Variants in CLNK observed in about 807,000 individuals in gnomAD.
CLNK encodes cytokine dependent hematopoietic cell linker, also known as cytokine-dependent hematopoietic cell linker.
CLNK carries 74 observed loss-of-function variants against 68.6 expected under a neutral mutation model. That is an observed-to-expected ratio of 1.08 (90% CI 0.89 to 1.31). The LOEUF is 1.31. CLNK is among the 50% of genes most tolerant of loss of function. The pLI is 0.00. For missense variants in CLNK, 553 were observed against 515.3 expected, an observed-to-expected ratio of 1.07 and a Z score of -0.71; for synonymous variants, 198 against 172.2, an observed-to-expected ratio of 1.15 and a Z score of -1.17.
chr4:10,666,661 G>A (rs1450060290), intron 2 of CLNK, among the ~76,000 whole-genome samples: 1 of 152,252 alleles, frequency 6.6e-6, no homozygotes, highest in Non-Finnish European at 1.5e-5. Context: ...CTGCTGTAAG[G>A]ATCGGGGAGG....
intron 1 of CLNK, among the ~76,000 whole-genome samples, chr4:10,672,522 C>G (rs944720789): frequency 6.6e-6 from 1 of 152,026 alleles, no homozygotes; most frequent in Non-Finnish European, 1.5e-5. Context: ...TAATTAAATG[C>G]CTTATATCAC....
intron 16 of CLNK, among the ~76,000 whole-genome samples, chr4:10,513,086 T>A (rs1322982229): frequency 6.6e-6 from 1 of 152,202 alleles, no homozygotes; most frequent in Non-Finnish European, 1.5e-5. Flanking sequence ...AATGAGTGTG[T>A]AATACATGGA....
chr4:10,700,407 C>T, the CLNK span, among the ~76,000 whole-genome samples: 1 of 152,116 alleles, frequency 6.6e-6, no homozygotes, highest in Admixed American at 6.6e-5. Flanking sequence ...GCTGACTTTA[C>T]AGAGATGTTG....
At chr4:10,650,267 G>C (rs11723092) in intron 2 of CLNK, among the ~76,000 whole-genome samples, 20 of 151,792 alleles carry the variant, frequency 1.3e-4, no homozygotes, top group Non-Finnish European at 2.2e-4. Flanking sequence ...AGGCTAAAAC[G>C]TGACGGTCTA....
At chr4:10,615,711 G>A (rs958565796) in intron 2 of CLNK, among the ~76,000 whole-genome samples, 3 of 152,174 alleles carry the variant, frequency 2.0e-5, no homozygotes, top group Non-Finnish European at 4.4e-5. Flanking sequence ...TACTTTACCT[G>A]TCTTTACAGT....
chr4:10,514,642 A>C (rs1335277853), intron 15 of CLNK, among the ~76,000 whole-genome samples: 2 of 151,342 alleles, frequency 1.3e-5, no homozygotes, highest in Non-Finnish European at 2.9e-5. Context: ...AAAAACCATA[A>C]AAACCCTAGA....
chr4:10,511,292 A>T (rs1464829330), intron 16 of CLNK, among the ~76,000 whole-genome samples: 1 of 152,208 alleles, frequency 6.6e-6, no homozygotes, highest in Non-Finnish European at 1.5e-5. Context: ...GTCACGGGCC[A>T]TGGTCACTCA....
At position 10,614,031 on chromosome 4, in the gene CLNK, C is replaced by A. The variant is rs553298670; in HGVS notation, c.12-15982G>T. ...CCATACCAACTGGAGATTGAGAGAGCAACATCGGACTCATAGTGTGCCTGC... is the reference window on the plus strand; with the variant it reads ...CCATACCAACTGGAGATTGAGAGAGAAACATCGGACTCATAGTGTGCCTGC... On this transcript the variant is annotated intron_variant, in intron 2 of 18. Transcript: ENST00000226951. 3.3e-5 allele frequency among the ~76,000 whole-genome samples: 5 copies of A among 152,338 alleles called. No individual in the cohort carries two copies. In the South Asian group the frequency reaches 8.3e-4, roughly 25 times the overall value.
intron 2 of CLNK, among the ~76,000 whole-genome samples, chr4:10,626,474 C>T (rs568430983): frequency 6.6e-6 from 1 of 152,288 alleles, no homozygotes; most frequent in South Asian, 2.1e-4. Flanking sequence ...TCCCTCCTCA[C>T]TTTCCCCTTT....
intron 8 of CLNK, among the ~76,000 whole-genome samples, chr4:10,546,093 G>T (rs893249787): frequency 2.0e-5 from 3 of 152,162 alleles, no homozygotes; most frequent in Non-Finnish European, 2.9e-5. Flanking sequence ...TTCCTCCATT[G>T]TCTTGAGGGA....
chr4:10,547,821 T>G (rs1337134665), intron 8 of CLNK, among the ~76,000 whole-genome samples: 4 of 152,132 alleles, frequency 2.6e-5, no homozygotes, highest in African/African-American at 9.7e-5. Context: ...ATGGAAAAAT[T>G]TCCTTCCCCT....
intron 2 of CLNK, among the ~76,000 whole-genome samples, chr4:10,644,406 C>A (rs902961929): frequency 6.6e-6 from 1 of 152,178 alleles, no homozygotes; most frequent in African/African-American, 2.4e-5. Flanking sequence ...TTGGTTAAAC[C>A]TCACAACTGA....
At chr4:10,634,622 C>T (rs1723011489) in intron 2 of CLNK, among the ~76,000 whole-genome samples, 1 of 152,142 alleles carries the variant, frequency 6.6e-6, no homozygotes. Flanking sequence ...TTCAGTTGCC[C>T]TATTGCTTCT....
the CLNK span, among the ~76,000 whole-genome samples, chr4:10,707,251 A>C: frequency 6.6e-6 from 1 of 152,218 alleles, no homozygotes; most frequent in Non-Finnish European, 1.5e-5. Context: ...ATCACAAAAA[A>C]ACTCATAATG....
At chr4:10,622,133 GA>G (rs966644431) in intron 2 of CLNK, among the ~76,000 whole-genome samples, 1 of 152,164 alleles carries the variant, frequency 6.6e-6, no homozygotes, top group Non-Finnish European at 1.5e-5. Flanking sequence ...TCAAGGAGTA[GA>G]AAATACTTAA....
At chr4:10,563,914 GA>G (rs1560218072) in intron 7 of CLNK, among the ~76,000 whole-genome samples, 1 of 140,188 alleles carries the variant, frequency 7.1e-6, no homozygotes, top group African/African-American at 2.7e-5. Context: ...CTCAAAAAAA[GA>G]AAAGAAAAGA....
chr4:10,513,614 C>T lies in CLNK; in HGVS notation c.773-17G>A, dbSNP rs759664104. The T allele has an allele frequency of 6.3e-6, 10 of 1,581,624 alleles. No individual in the cohort carries two copies. Among genetic ancestry groups the T allele is most frequent in the Admixed American group, 3.7e-5 (2 of 54,450 alleles). On this transcript the variant is annotated splice_polypyrimidine_tract_variant and intron_variant, in intron 15 of 18. Coordinates refer to ENST00000226951, the MANE Select transcript of CLNK (RefSeq NM_052964.4). ...CTCTATGATCTGGAAAGGTTAAATT[C>T]ACATTTCAGTGTGATTTTGTGACTG...
chr4:10,702,342 TGAA>T, the CLNK span, among the ~76,000 whole-genome samples: 1 of 151,072 alleles, frequency 6.6e-6, no homozygotes, highest in Non-Finnish European at 1.5e-5. Context: ...GGCCATAAAG[TGAA>T]GAAGAGGAGA....
intron 4 of CLNK, among the ~76,000 whole-genome samples, chr4:10,584,100 A>G (rs1382405026): frequency 6.6e-6 from 1 of 152,020 alleles, no homozygotes; most frequent in East Asian, 1.9e-4. Context: ...TTGAATGAAA[A>G]CTTTTTCTGT....
Sources: allele counts gnomAD v4.1 joint callset (sites outside exome capture counted in the v4.1 genomes callset), GRCh38; gene constraint gnomAD v4.1.1; transcripts MANE v1.5; gene names NCBI Gene and HGNC (gene_info 2026-07-23, HGNC 2026-07-21).